The following CRADD variants were observed in gnomAD, a reference collection of about 807,000 sequenced individuals.
CRADD encodes the protein CARD and death domain containing adaptor protein, also known as death domain-containing protein CRADD.
CRADD carries 9 observed loss-of-function variants against 15.5 expected under a neutral mutation model. The ratio of observed to expected loss-of-function variants is 0.58; its 90% CI spans 0.35 to 1.01. CRADD has a LOEUF of 1.01. CRADD is among the 50% of genes least tolerant of loss of function. The pLI, the probability that CRADD is intolerant of heterozygous loss-of-function variation, is 0.02. For missense variants in CRADD, 227 were observed against 250.3 expected, an observed-to-expected ratio of 0.91 and a Z score of 0.63; for synonymous variants, 118 against 107.6, an observed-to-expected ratio of 1.10 and a Z score of -0.60.
At chr12:93,827,782 C>A (rs1957840782) in intron 2 of CRADD, among the ~76,000 whole-genome samples, 1 of 152,170 alleles carries the variant, frequency 6.6e-6, no homozygotes, top group Non-Finnish European at 1.5e-5. Context: ...GAGATCTACA[C>A]AATACAGTAT....
intron 2 of CRADD, among the ~76,000 whole-genome samples, chr12:93,829,555 A>G (rs1172899274): frequency 6.6e-6 from 1 of 152,132 alleles, no homozygotes; most frequent in East Asian, 1.9e-4. Flanking sequence ...AGTTTTTTGA[A>G]CTGGACAGGC....
rs142279771 is a variant in CRADD, at chr12:93,719,883, A to T, written c.298+40811A>T. ...GATTTCATCTATCTTTTCAAAGAGC[A>T]AACATTGCTTTATTGATTTTTTCCA... On this transcript the variant is annotated intron_variant, in intron 2 of 2. Coordinates refer to ENST00000332896, the MANE Select transcript of CRADD (RefSeq NM_003805.5). Among the ~76,000 whole-genome samples the T allele has an allele frequency of 2.8e-3, 422 of 152,266 alleles. 2 individuals are homozygous for T. The highest frequency in any genetic ancestry group is 0.01 in the Middle Eastern group (3 of 294).
chr12:93,722,810 T>C (rs1400812964), intron 2 of CRADD, among the ~76,000 whole-genome samples: 1 of 152,248 alleles, frequency 6.6e-6, no homozygotes, highest in Non-Finnish European at 1.5e-5. Flanking sequence ...ATCCTTGTCA[T>C]GTCTGTTTCT....
chr12:93,862,483 C>G (rs2137060046), intron 2 of CRADD, among the ~76,000 whole-genome samples: 1 of 152,160 alleles, frequency 6.6e-6, no homozygotes, highest in Middle Eastern at 3.4e-3. Flanking sequence ...AGTGGAAAGC[C>G]TGGGAAAGGT....
At chr12:93,876,332 C>A (rs956455193) in intron 2 of CRADD, among the ~76,000 whole-genome samples, 5 of 152,104 alleles carry the variant, frequency 3.3e-5, no homozygotes, top group African/African-American at 1.2e-4. Flanking sequence ...TGTTCTATAA[C>A]CTTCTTGTAC....
intron 2 of CRADD, among the ~76,000 whole-genome samples, chr12:93,821,301 C>T (rs961519001): frequency 1.3e-5 from 2 of 152,310 alleles, no homozygotes; most frequent in East Asian, 3.9e-4. Flanking sequence ...TATTCCCTAC[C>T]AGGCCCCTGT....
At chr12:93,709,846 A>G (rs550284917) in intron 2 of CRADD, among the ~76,000 whole-genome samples, 28 of 152,196 alleles carry the variant, frequency 1.8e-4, no homozygotes, top group East Asian at 3.8e-4. Flanking sequence ...ACTTTCCACA[A>G]GTGGTTCATT....
intron 2 of CRADD, among the ~76,000 whole-genome samples, chr12:93,874,392 T>C (rs1020866141): frequency 1.3e-5 from 2 of 152,016 alleles, no homozygotes; most frequent in African/African-American, 4.8e-5. Context: ...ATCAACTTTT[T>C]GTTTCATTGA....
At chr12:93,867,853 T>C (rs1958383784) in intron 2 of CRADD, among the ~76,000 whole-genome samples, 1 of 152,144 alleles carries the variant, frequency 6.6e-6, no homozygotes, top group South Asian at 2.1e-4. Context: ...ACAAAATTGA[T>C]TTTCCTATTC....
At chr12:93,718,388 C>A (rs1956199681) in intron 2 of CRADD, among the ~76,000 whole-genome samples, 3 of 152,074 alleles carry the variant, frequency 2.0e-5, no homozygotes, top group South Asian at 2.1e-4. Flanking sequence ...TAGATTTATA[C>A]CTAAGCATTT....
At chr12:93,724,190 G>T (rs1341218953) in intron 2 of CRADD, among the ~76,000 whole-genome samples, 1 of 152,030 alleles carries the variant, frequency 6.6e-6, no homozygotes, top group Admixed American at 6.6e-5. Context: ...GGCCAGCCTG[G>T]ATAACATAGA....
intron 2 of CRADD, among the ~76,000 whole-genome samples, chr12:93,686,304 CAAA>C (rs59096792): frequency 4.5e-5 from 3 of 65,982 alleles, no homozygotes; most frequent in African/African-American, 6.5e-5. Flanking sequence ...CCATCCCCCC[CAAA>C]AAAAAAAAAA....
intron 2 of CRADD, among the ~76,000 whole-genome samples, chr12:93,723,466 A>C (rs1956300727): frequency 6.6e-6 from 1 of 152,190 alleles, no homozygotes; most frequent in African/African-American, 2.4e-5. Context: ...ACTCAGTACA[A>C]GAAGACAAAC....
chr12:93,867,818 T>C lies in CRADD; in HGVS notation c.299-26232T>C, dbSNP rs1043903434. On this transcript the variant is annotated intron_variant, in intron 2 of 2. Coordinates refer to the CRADD transcript ENST00000548483. ...AACATGCCTGGACATAGAATCCAAA[T>C]TGTTTTTGAGTGGGGGGCCCAGAGA... Among the ~76,000 whole-genome samples the C allele has an allele frequency of 3.9e-5, 6 of 152,134 alleles. 1 individual carries two copies. The highest frequency in any genetic ancestry group is 8.8e-5 in the Non-Finnish European group (6 of 68,018).
chr12:93,734,006 G>A (rs987105349), intron 2 of CRADD, among the ~76,000 whole-genome samples: 9 of 152,116 alleles, frequency 5.9e-5, no homozygotes, highest in Non-Finnish European at 1.0e-4. Flanking sequence ...CAAGGTGCTC[G>A]GATTACAGGC....
intron 2 of CRADD, among the ~76,000 whole-genome samples, chr12:93,880,184 T>G (rs1437887247): frequency 1.3e-5 from 2 of 152,178 alleles, no homozygotes; most frequent in African/African-American, 4.8e-5. Context: ...CTAGGTAATG[T>G]CTAGGACTTA....
intron 2 of CRADD, among the ~76,000 whole-genome samples, chr12:93,718,500 T>C (rs1338362670): frequency 3.3e-5 from 5 of 152,210 alleles, no homozygotes; most frequent in African/African-American, 1.2e-4. Context: ...TTTTGTATAT[T>C]AAACTTTTAT....
chr12:93,860,941 C>T (rs1464327346), intron 2 of CRADD, among the ~76,000 whole-genome samples: 2 of 152,220 alleles, frequency 1.3e-5, no homozygotes, highest in African/African-American at 4.8e-5. Flanking sequence ...AAAGCCCCCT[C>T]CTCTCCTCCC....
intron 2 of CRADD, among the ~76,000 whole-genome samples, chr12:93,685,063 A>G (rs976807349): frequency 8.5e-5 from 13 of 152,160 alleles, no homozygotes; most frequent in Admixed American, 1.3e-4. Context: ...TTTCCTTTCT[A>G]TTTCTGTTTC....
Sources: gnomAD v4.1 joint callset for allele counts (sites outside exome capture counted in the v4.1 genomes callset) on GRCh38, gnomAD v4.1.1 for gene constraint, MANE v1.5 for transcripts, NCBI Gene and HGNC (gene_info 2026-07-23, HGNC 2026-07-21) for gene names.